COL11A1: variants seen among roughly 807,000 people sequenced by gnomAD.
COL11A1 encodes collagen alpha-1(XI) chain.
COL11A1 carries 74 observed loss-of-function variants against 265.2 expected under a neutral mutation model. That is an observed-to-expected ratio of 0.28 (90% CI 0.23 to 0.34). The LOEUF (loss-of-function observed/expected upper bound fraction) is 0.34, where lower values mean the gene tolerates loss of function less well. COL11A1 is among the 10% of genes least tolerant of loss of function. The pLI is 1.00. For missense variants in COL11A1, 2,165 were observed against 2,263.6 expected, an observed-to-expected ratio of 0.96 and a Z score of 0.88; for synonymous variants, 816 against 727.6, an observed-to-expected ratio of 1.12 and a Z score of -1.96.
rs1286224047 is a variant in COL11A1 at position 103,074,750 on chromosome 1, C to T, written c.519G>A (p.Lys173=). 4 of 1,613,144 alleles carry T rather than the reference C, an allele frequency of 2.5e-6. No homozygotes were observed. The highest frequency in any genetic ancestry group is 3.4e-6 in the Non-Finnish European group (4 of 1,179,568). ...AATCAACAATCATTGTCACAGTTTT[C>T]TTCTCCACGCTGATTGCTACCCGAT... The part of the protein sequence containing the change: ...KWHRVAISVE[K]KTVTMIVDCK... Residue 173 remains lysine (K), a synonymous_variant, in exon 4 of 67, where the codon AAG becomes AAA. Coordinates refer to ENST00000370096, the MANE Select transcript of COL11A1 (RefSeq NM_001854.4).
chr1:102,911,517 G>A (rs1474373984), intron 54 of COL11A1, among the ~76,000 whole-genome samples: 4 of 152,108 alleles, frequency 2.6e-5, no homozygotes, highest in African/African-American at 4.8e-5. Flanking sequence ...AGAAGAACAC[G>A]CTAAAGTGAG....
intron 4 of COL11A1, among the ~76,000 whole-genome samples, chr1:103,074,369 G>T (rs1327689396): frequency 6.6e-6 from 1 of 152,038 alleles, no homozygotes; most frequent in African/African-American, 2.4e-5. Context: ...CAGGAGAATA[G>T]CATGTCTGTG....
chr1:103,022,311 G>T (rs1340630574), intron 8 of COL11A1, among the ~76,000 whole-genome samples: 1 of 152,044 alleles, frequency 6.6e-6, no homozygotes, highest in African/African-American at 2.4e-5. Flanking sequence ...CTTAAAATGA[G>T]ATTGAACGAT....
At chr1:103,079,296 T>C (rs944661765) in intron 2 of COL11A1, among the ~76,000 whole-genome samples, 1 of 152,120 alleles carries the variant, frequency 6.6e-6, no homozygotes, top group Admixed American at 6.6e-5. Context: ...TTTACAAACG[T>C]ATTCTTTCTG....
chr1:103,052,830 G>T (rs1034163941), intron 4 of COL11A1, among the ~76,000 whole-genome samples: 3 of 152,062 alleles, frequency 2.0e-5, no homozygotes, highest in African/African-American at 4.8e-5. Flanking sequence ...CTCCTGGAAT[G>T]GTAAAGTAAT....
chr1:103,072,594 G>C (rs182912455), intron 4 of COL11A1, among the ~76,000 whole-genome samples: 2 of 151,614 alleles, frequency 1.3e-5, no homozygotes, highest in South Asian at 4.1e-4. Context: ...AAACATACTC[G>C]AATAAGTTTT....
chr1:103,082,525 T>C (rs2102322023), intron 2 of COL11A1, among the ~76,000 whole-genome samples: 1 of 152,202 alleles, frequency 6.6e-6, no homozygotes, highest in South Asian at 2.1e-4. Flanking sequence ...AATAATGAAG[T>C]ACTAAATGTT....
chr1:103,055,276 TTTTA>T (rs1247538464), intron 4 of COL11A1, among the ~76,000 whole-genome samples: 1 of 152,228 alleles, frequency 6.6e-6, no homozygotes, highest in Non-Finnish European at 1.5e-5. Context: ...TACCTTCATC[TTTTA>T]TTTCTCAATT....
At chr1:102,920,437 T>C (rs575435519) in intron 48 of COL11A1, 73 bp from the exon 49 acceptor site, 8 of 1,335,580 alleles carry the variant, frequency 6.0e-6, no homozygotes, top group Non-Finnish European at 8.6e-6. Flanking sequence ...ATATGTCTAG[T>C]TGTTCTCAAA....
At chr1:103,008,829 C>A (rs965973321) in intron 14 of COL11A1, among the ~76,000 whole-genome samples, 7 of 152,232 alleles carry the variant, frequency 4.6e-5, no homozygotes, top group Admixed American at 3.9e-4. Flanking sequence ...TGATGACACA[C>A]AAAGCATTAT....
At chr1:103,018,375 C>A (rs1477502883) in intron 10 of COL11A1, among the ~76,000 whole-genome samples, 9 of 152,050 alleles carry the variant, frequency 5.9e-5, no homozygotes, top group African/African-American at 2.2e-4. Flanking sequence ...AGTGCAATCA[C>A]CTGAGAATAA....
At chr1:103,007,443 T>C (rs903793149) in intron 15 of COL11A1, among the ~76,000 whole-genome samples, 1 of 152,118 alleles carries the variant, frequency 6.6e-6, no homozygotes, top group African/African-American at 2.4e-5. Flanking sequence ...ATATACTATT[T>C]AAAGTTAATT....
intron 51 of COL11A1, 26 bp downstream of exon 51, chr1:102,914,678 C>A (rs748621290): frequency 6.4e-7 from 1 of 1,554,812 alleles, no homozygotes; most frequent in Non-Finnish European, 8.9e-7. Flanking sequence ...ATAAATGCCA[C>A]ATTAGAGGGG....
chr1:102,902,291 G>A (rs1653310011), intron 54 of COL11A1, among the ~76,000 whole-genome samples: 1 of 151,958 alleles, frequency 6.6e-6, no homozygotes, highest in African/African-American at 2.4e-5. Flanking sequence ...GAGTTAGGGA[G>A]GAAAAAAGAG....
intron 3 of COL11A1, among the ~76,000 whole-genome samples, chr1:103,077,670 A>G (rs938490653): frequency 9.2e-5 from 14 of 152,118 alleles, no homozygotes; most frequent in Admixed American, 2.6e-4. Flanking sequence ...CTGTTTTTAG[A>G]GGTCTGGATT....
chr1:102,929,098 A>G (rs562512582), intron 46 of COL11A1, among the ~76,000 whole-genome samples: 1 of 145,736 alleles, frequency 6.9e-6, no homozygotes, highest in Non-Finnish European at 1.5e-5. Context: ...TAGTTTAATT[A>G]GATCCCATTT....
rs541307013 is a variant in COL11A1, at chr1:103,099,766, T to G, written c.106+8307A>C. Reference sequence around the variant, plus strand: ...TATAGTCACTCTGTAGCTACAAATATTCAGTGGCACCTTTGGAGAGAATGC... The same window carrying G: ...TATAGTCACTCTGTAGCTACAAATAGTCAGTGGCACCTTTGGAGAGAATGC... On this transcript the variant is annotated intron_variant, in intron 1 of 66. Transcript: ENST00000370096. 1.9e-4 allele frequency among the ~76,000 whole-genome samples: 29 copies of G among 151,944 alleles called. No homozygotes were observed. In the East Asian group the frequency reaches 5.6e-3, roughly 29 times the overall value.
intron 4 of COL11A1, among the ~76,000 whole-genome samples, chr1:103,043,056 C>T (rs12081652): frequency 0.15 from 15,755 of 107,022 alleles, 1,387 homozygotes; most frequent in Middle Eastern, 0.23. Flanking sequence ...ATATATGAAA[C>T]ATATATAATG....
At chr1:103,032,964 C>A (rs1412087811) in intron 4 of COL11A1, among the ~76,000 whole-genome samples, 2 of 152,092 alleles carry the variant, frequency 1.3e-5, no homozygotes, top group South Asian at 2.1e-4. Context: ...CCAACCATCA[C>A]TACTAATTGC....
Sources: allele counts gnomAD v4.1 joint callset (sites outside exome capture counted in the v4.1 genomes callset), GRCh38; gene constraint gnomAD v4.1.1; transcripts MANE v1.5; gene names NCBI Gene and HGNC (gene_info 2026-07-23, HGNC 2026-07-21).